The following SOX5 variants were observed in gnomAD, a reference collection of about 807,000 sequenced individuals.
SOX5 encodes transcription factor SOX-5.
SOX5 carries 9 observed loss-of-function variants against 92.0 expected under a neutral mutation model. The observed-to-expected ratio is 0.10, with a 90% CI of 0.06 to 0.17. The LOEUF is 0.17. SOX5 is among the 10% of genes least tolerant of loss of function. SOX5 has a pLI of 1.00. For missense variants in SOX5, 642 were observed against 944.5 expected (o/e 0.68, Z 4.20); for synonymous variants, 344 against 336.3 (o/e 1.02, Z -0.25).
chr12:23,572,509 T>C (rs566557384), intron 10 of SOX5, among the ~76,000 whole-genome samples: 35 of 152,048 alleles, frequency 2.3e-4, no homozygotes, highest in African/African-American at 8.0e-4. Flanking sequence ...TAAATGACGT[T>C]AAGTATGTTC....
intron 1 of SOX5, among the ~76,000 whole-genome samples, chr12:24,502,384 A>T (rs1948297214): frequency 6.6e-6 from 1 of 152,206 alleles, no homozygotes; most frequent in Non-Finnish European, 1.5e-5. Context: ...GCAAAACTAA[A>T]ACAATTTGAT....
At chr12:24,219,971 G>A (rs1960011418) in intron 3 of SOX5, among the ~76,000 whole-genome samples, 1 of 152,056 alleles carries the variant, frequency 6.6e-6, no homozygotes, top group Non-Finnish European at 1.5e-5. Context: ...CTGAGCCTTA[G>A]TTTCCTCATC....
rs866091696 is a variant in SOX5 at position 23,736,279 on chromosome 12, G to C, written c.742-1527C>G. On this transcript the variant is annotated intron_variant, in intron 5 of 14. Coordinates refer to ENST00000451604, the MANE Select transcript of SOX5 (RefSeq NM_006940.6). ...GATCAAGACCATCCTGGCTAACAGG[G>C]TGAAACCCCATCTCTACTAAAAATA... Among the ~76,000 whole-genome samples, 4 of 152,062 alleles carry C rather than the reference G, an allele frequency of 2.6e-5. No individual in the cohort carries two copies. In the South Asian group the frequency reaches 6.2e-4, roughly 24 times the overall value.
intron 4 of SOX5, among the ~76,000 whole-genome samples, chr12:23,974,048 C>A (rs1006286250): frequency 6.6e-6 from 1 of 151,914 alleles, no homozygotes; most frequent in East Asian, 1.9e-4. Flanking sequence ...TACATATATA[C>A]CTATGATAAA....
chr12:23,700,424 T>C (rs1172588126), intron 6 of SOX5, among the ~76,000 whole-genome samples: 1 of 152,164 alleles, frequency 6.6e-6, no homozygotes, highest in Non-Finnish European at 1.5e-5. Context: ...TTTCATTTAA[T>C]TCTCGTAAGA....
At chr12:24,516,296 C>A (rs542790116) in intron 1 of SOX5, among the ~76,000 whole-genome samples, 16 of 152,258 alleles carry the variant, frequency 1.1e-4, no homozygotes, top group African/African-American at 3.6e-4. Flanking sequence ...AATCCTCCCA[C>A]CATAGCTTCC....
chr12:23,903,240 A>C (rs1024111304), intron 1 of SOX5, among the ~76,000 whole-genome samples: 6 of 152,320 alleles, frequency 3.9e-5, no homozygotes, highest in African/African-American at 1.4e-4. Context: ...CTCACTAATC[A>C]GAAAATGCTT....
chr12:23,868,341 G>A (rs1265455425), intron 2 of SOX5, among the ~76,000 whole-genome samples: 4 of 151,888 alleles, frequency 2.6e-5, no homozygotes, highest in Non-Finnish European at 5.9e-5. Flanking sequence ...CCTTCTAACT[G>A]GCCTGGGAAG....
intron 4 of SOX5, among the ~76,000 whole-genome samples, chr12:24,213,019 T>C (rs1315345952): frequency 6.6e-6 from 1 of 150,516 alleles, no homozygotes; most frequent in South Asian, 2.1e-4. Context: ...TTAAAAGTCA[T>C]TAAGGGAAAG....
chr12:23,932,312 G>A (rs1410624520), intron 1 of SOX5, among the ~76,000 whole-genome samples: 4 of 151,490 alleles, frequency 2.6e-5, no homozygotes, highest in Admixed American at 6.6e-5. Flanking sequence ...GAGATGGCAG[G>A]GTGCTATTTA....
At chr12:23,980,140 T>A (rs1949435754) in intron 4 of SOX5, among the ~76,000 whole-genome samples, 1 of 152,132 alleles carries the variant, frequency 6.6e-6, no homozygotes, top group South Asian at 2.1e-4. Flanking sequence ...TTTTTAGCAC[T>A]TGCATTTCAT....
At chr12:24,513,677 C>T (rs903575231) in intron 1 of SOX5, among the ~76,000 whole-genome samples, 1 of 152,206 alleles carries the variant, frequency 6.6e-6, no homozygotes, top group Admixed American at 6.5e-5. Flanking sequence ...AGGATTACCA[C>T]TGAGTTTGAT....
At chr12:24,506,806 T>TTTTTG (rs1566337973) in intron 1 of SOX5, among the ~76,000 whole-genome samples, 2 of 138,312 alleles carry the variant, frequency 1.4e-5, no homozygotes, top group African/African-American at 2.8e-5. Flanking sequence ...TTTTTTTTTT[T>TTTTTG]GGAGACGGGA....
At chr12:23,979,048 G>A (rs1165689618) in intron 4 of SOX5, among the ~76,000 whole-genome samples, 1 of 152,080 alleles carries the variant, frequency 6.6e-6, no homozygotes, top group East Asian at 1.9e-4. Flanking sequence ...TATGAAAAAT[G>A]TGATAAATAG....
At chr12:24,474,874 T>C (rs1202421681) in intron 1 of SOX5, among the ~76,000 whole-genome samples, 1 of 143,974 alleles carries the variant, frequency 6.9e-6, no homozygotes, top group Admixed American at 7.0e-5. Flanking sequence ...TTTTTTGAGA[T>C]GAAGTCTCAC....
At chr12:23,711,517 T>C (rs2092050700) in intron 6 of SOX5, among the ~76,000 whole-genome samples, 1 of 152,166 alleles carries the variant, frequency 6.6e-6, no homozygotes, top group Admixed American at 6.6e-5. Context: ...AAATGTATTA[T>C]TAATAACATT....
chr12:24,223,632 G>A (rs766622163), intron 3 of SOX5, among the ~76,000 whole-genome samples: 6 of 152,164 alleles, frequency 3.9e-5, no homozygotes, highest in Non-Finnish European at 8.8e-5. Flanking sequence ...GCATGTGCCT[G>A]TAGTCCCAGC....
chr12:23,758,098 G>A (rs1040829682), intron 3 of SOX5, among the ~76,000 whole-genome samples: 4 of 150,534 alleles, frequency 2.7e-5, no homozygotes, highest in Non-Finnish European at 4.4e-5. Flanking sequence ...TCTAAATCAC[G>A]GTTGTCATGT....
intron 3 of SOX5, among the ~76,000 whole-genome samples, chr12:23,767,927 G>A (rs759211745): frequency 4.6e-5 from 7 of 151,894 alleles, no homozygotes; most frequent in Admixed American, 2.0e-4. Context: ...TATAGTTAAT[G>A]TATGATATTT....
Sources: gnomAD v4.1 joint callset for allele counts (sites outside exome capture counted in the v4.1 genomes callset) on GRCh38, gnomAD v4.1.1 for gene constraint, MANE v1.5 for transcripts, NCBI Gene and HGNC (gene_info 2026-07-23, HGNC 2026-07-21) for gene names.